Variants in PARD3B observed in about 807,000 individuals in gnomAD.
PARD3B encodes partitioning defective 3 homolog B.
In PARD3B, 103 loss-of-function variants were observed where a neutral mutation model predicts 130.2. The observed-to-expected ratio is 0.79, with a 90% confidence interval of 0.67 to 0.93. The LOEUF is 0.93. PARD3B is among the 40% of genes least tolerant of loss of function. PARD3B has a pLI of 0.00. For synonymous variants in PARD3B, 583 were observed against 553.2 expected, an observed-to-expected ratio of 1.05 and a Z score of -0.76; for missense variants, 1,609 against 1,499.2, an observed-to-expected ratio of 1.07 and a Z score of -1.21.
Position 205,619,302 on chromosome 2 carries a change from C to T in PARD3B, c.*3489C>T, listed in dbSNP as rs145075496. The T allele has an allele frequency of 1.1e-4, 16 of 152,288 alleles. No homozygotes were observed. Among genetic ancestry groups the T allele is most frequent in the African/African-American group, 3.4e-4 (14 of 41,552 alleles). The allele number at this position is 152,288 out of a possible 1,614,324, so 9.4% of individuals were successfully genotyped here. A position where few individuals can be genotyped will look rare whatever the true frequency, so the allele number is the denominator to read the frequency against. ...TCCCCAAACCTGTAACCACTGCATT[C>T]GTTTTCTTTGGAGGAACATTGTAGC... On this transcript the variant is annotated 3_prime_UTR_variant, in exon 23 of 23. Coordinates refer to ENST00000406610, the MANE Select transcript of PARD3B (RefSeq NM_001302769.2).
At chr2:204,998,339 T>TATATAC (rs1694447198) in intron 3 of PARD3B, among the ~76,000 whole-genome samples, 3 of 64,988 alleles carry the variant, frequency 4.6e-5, no homozygotes. Context: ...TATATATATA[T>TATATAC]ATATATATAT....
At chr2:205,029,185 C>T (rs182991892) in intron 3 of PARD3B, among the ~76,000 whole-genome samples, 25 of 152,224 alleles carry the variant, frequency 1.6e-4, no homozygotes, top group African/African-American at 5.5e-4. Flanking sequence ...AATATATATG[C>T]ACTTGGTTTT....
intron 2 of PARD3B, among the ~76,000 whole-genome samples, chr2:204,728,654 A>G (rs578097993): frequency 2.6e-5 from 4 of 152,274 alleles, no homozygotes; most frequent in Middle Eastern, 3.4e-3. Flanking sequence ...GTTAGGTGGG[A>G]CAGTAAAATT....
intron 4 of PARD3B, among the ~76,000 whole-genome samples, chr2:205,096,006 C>T (rs1702372866): frequency 6.6e-6 from 1 of 151,916 alleles, no homozygotes; most frequent in African/African-American, 2.4e-5. Context: ...ATGCTTCATG[C>T]CATAGATTTA....
chr2:205,063,783 G>C (rs916552990), intron 4 of PARD3B, among the ~76,000 whole-genome samples: 1 of 152,106 alleles, frequency 6.6e-6, no homozygotes, highest in Non-Finnish European at 1.5e-5. Flanking sequence ...ACATATCTTG[G>C]ATAAGGGAAT....
At chr2:205,481,791 A>G (rs1049414475) in intron 20 of PARD3B, among the ~76,000 whole-genome samples, 1 of 152,228 alleles carries the variant, frequency 6.6e-6, no homozygotes, top group Non-Finnish European at 1.5e-5. Context: ...AACCCAAGCA[A>G]TCTGGCTCCA....
intron 19 of PARD3B, among the ~76,000 whole-genome samples, chr2:205,425,051 T>C (rs1000007413): frequency 6.6e-6 from 1 of 152,228 alleles, no homozygotes; most frequent in African/African-American, 2.4e-5. Context: ...GGCAGATTCT[T>C]ACAGCTCTTT....
chr2:204,708,975 T>A lies in PARD3B; in HGVS notation c.222+22693T>A, dbSNP rs73059079. ...AGCCAAGAACAAATTAAAAATCTTA[T>A]TCTGGTGGATGGGATTTTCTAATTT... On this transcript the variant is annotated intron_variant, in intron 2 of 22. Coordinates refer to ENST00000406610, the MANE Select transcript of PARD3B (RefSeq NM_001302769.2). 3.3e-3 allele frequency among the ~76,000 whole-genome samples: 507 copies of A among 152,314 alleles called. 2 individuals are homozygous for A. The highest frequency in any genetic ancestry group is 0.011 in the African/African-American group (468 of 41,566).
chr2:204,980,070 C>T (rs1428382922), intron 3 of PARD3B, among the ~76,000 whole-genome samples: 1 of 152,170 alleles, frequency 6.6e-6, no homozygotes, highest in Non-Finnish European at 1.5e-5. Flanking sequence ...AATTTTAACA[C>T]ATCTGTCTGA....
Position 205,590,707 on chromosome 2 carries a change from G to A in PARD3B, c.3261-24749G>A, listed in dbSNP as rs72937648. 0.041 allele frequency among the ~76,000 whole-genome samples: 6,220 copies of A among 152,122 alleles called. 201 individuals carry two copies. The highest frequency in any genetic ancestry group is 0.061 in the Non-Finnish European group (4,178 of 68,004). On this transcript the variant is annotated intron_variant, in intron 22 of 22. Transcript: ENST00000406610. This position sits in a 1 kb window ranked among gnomAD's most constrained non-coding sequence, Gnocchi z 4.1. ...CAACTTTCTTCCACTGTCTCAACTC[G>A]GATCACAAGGGAAGAAGGAAAGATA... is the stretch of plus-strand genomic sequence containing the variant.
intron 2 of PARD3B, among the ~76,000 whole-genome samples, chr2:204,948,222 C>T (rs1689488712): frequency 6.6e-6 from 1 of 152,190 alleles, no homozygotes; most frequent in African/African-American, 2.4e-5. Context: ...CTAAAGCCTT[C>T]CATGGTCACA....
chr2:204,996,814 G>C (rs1226943429), intron 3 of PARD3B, among the ~76,000 whole-genome samples: 2 of 147,722 alleles, frequency 1.4e-5, no homozygotes, highest in Non-Finnish European at 3.0e-5. Context: ...TCTGAAAAGC[G>C]CAATATTCGG....
chr2:204,637,309 C>T (rs1352397166), intron 1 of PARD3B, among the ~76,000 whole-genome samples: 1 of 152,080 alleles, frequency 6.6e-6, no homozygotes, highest in Non-Finnish European at 1.5e-5. Context: ...TAATAGTTTT[C>T]CAAGAAAGAT....
chr2:205,146,164 T>C lies in PARD3B; in HGVS notation c.1435-12558T>C, dbSNP rs2033342226. Among the ~76,000 whole-genome samples, 2 of 152,224 alleles carry C rather than the reference T, an allele frequency of 1.3e-5. No individual in the cohort carries two copies. The highest frequency in any genetic ancestry group is 1.3e-4 in the Admixed American group (2 of 15,288). ...CCATGTACTCACTTTAATGAGATGC[T>C]CTGTACTGTCATTTATGTTTCATTC... On this transcript the variant is annotated intron_variant, in intron 10 of 22. Coordinates refer to ENST00000406610, the MANE Select transcript of PARD3B (RefSeq NM_001302769.2). The surrounding 1 kb of genome is among the most constrained non-coding windows in gnomAD (Gnocchi z 4.3).
chr2:205,550,565 A>G lies in PARD3B; in HGVS notation c.3181-2759A>G, dbSNP rs1017821192. Reference sequence around the variant, plus strand: ...GTTTTTCCTGACACCTCCAGGCCTCACCTGTGCTACTGCTGATAACATCCT... The same window carrying G: ...GTTTTTCCTGACACCTCCAGGCCTCGCCTGTGCTACTGCTGATAACATCCT... On this transcript the variant is annotated intron_variant, in intron 21 of 22. Coordinates refer to ENST00000406610, the MANE Select transcript of PARD3B (RefSeq NM_001302769.2). This position sits in a 1 kb window ranked among gnomAD's most constrained non-coding sequence, Gnocchi z 4.5. Among the ~76,000 whole-genome samples, 2 of 152,116 alleles carry G rather than the reference A, an allele frequency of 1.3e-5. No individual in the cohort carries two copies. Among genetic ancestry groups the G allele is most frequent in the African/African-American group, 4.8e-5 (2 of 41,438 alleles).
At chr2:204,752,215 C>T (rs950255940) in intron 2 of PARD3B, among the ~76,000 whole-genome samples, 1 of 152,082 alleles carries the variant, frequency 6.6e-6, no homozygotes, top group African/African-American at 2.4e-5. Flanking sequence ...GGCCCAGTGC[C>T]TTTGACTGTA....
At chr2:204,736,457 C>T (rs781154065) in intron 2 of PARD3B, among the ~76,000 whole-genome samples, 3 of 151,936 alleles carry the variant, frequency 2.0e-5, no homozygotes, top group African/African-American at 7.3e-5. Flanking sequence ...TCTCTAATGT[C>T]TATTATATCA....
intron 15 of PARD3B, among the ~76,000 whole-genome samples, chr2:205,235,231 G>T (rs2039011760): frequency 6.6e-6 from 1 of 152,016 alleles, no homozygotes; most frequent in African/African-American, 2.4e-5. Context: ...GACCAGCCTG[G>T]GCAACATGAC....
At chr2:205,595,189 T>A (rs2054524700) in intron 22 of PARD3B, among the ~76,000 whole-genome samples, 1 of 152,120 alleles carries the variant, frequency 6.6e-6, no homozygotes, top group African/African-American at 2.4e-5. Flanking sequence ...TCTCTCCCAG[T>A]GCACTGATGC....
Sources: gnomAD v4.1 joint callset for allele counts (sites outside exome capture counted in the v4.1 genomes callset) on GRCh38, gnomAD v4.1.1 for gene constraint, Gnocchi (gnomAD v3.1) non-coding constraint, MANE v1.5 for transcripts, NCBI Gene and HGNC (gene_info 2026-07-23, HGNC 2026-07-21) for gene names.